RBFOX1: variants seen among roughly 807,000 people sequenced by gnomAD.
The protein encoded by RBFOX1 is RNA binding fox-1 homolog 1.
In RBFOX1, 8 loss-of-function variants were observed where a neutral mutation model predicts 57.7. That is an observed-to-expected ratio of 0.14 (90% CI 0.08 to 0.25). The LOEUF is 0.25. RBFOX1 is among the 10% of genes least tolerant of loss of function. The pLI is 1.00. For synonymous variants in RBFOX1, 326 were observed against 222.4 expected (o/e 1.47, Z -4.15); for missense variants, 611 against 548.5 (o/e 1.11, Z -1.14).
intron 1 of RBFOX1, among the ~76,000 whole-genome samples, chr16:6,235,687 A>T (rs1255644600): frequency 6.6e-6 from 1 of 152,024 alleles, no homozygotes; most frequent in Non-Finnish European, 1.5e-5. Flanking sequence ...ATAAAAAGGA[A>T]TGAATTAATG....
chr16:5,854,345 C>G (rs911047117), intron 3 of RBFOX1, among the ~76,000 whole-genome samples: 3 of 152,204 alleles, frequency 2.0e-5, no homozygotes, highest in Admixed American at 2.0e-4. Context: ...TTTCTTCTCA[C>G]CTCCGGTGCC....
At chr16:5,448,443 A>G (rs649543) in intron 1 of RBFOX1, among the ~76,000 whole-genome samples, 5 of 152,158 alleles carry the variant, frequency 3.3e-5, no homozygotes, top group African/African-American at 1.2e-4. Context: ...GGAAATAACT[A>G]TCTCTCCTAT....
chr16:5,799,941 A>G (rs1035603593), intron 3 of RBFOX1, among the ~76,000 whole-genome samples: 1 of 152,122 alleles, frequency 6.6e-6, no homozygotes, highest in East Asian at 1.9e-4. Context: ...TGTTTCATAT[A>G]CTAAATATAT....
rs921186514 is a variant in RBFOX1 at position 7,455,657 on chromosome 16, C to T, written c.28-62490C>T. ...AATACAAAAAAAAAAATTAGCCAGG[C>T]GTGGTTGTAGTCCCAGCTACTCAGG... On this transcript the variant is annotated intron_variant, in intron 4 of 15. Coordinates refer to ENST00000550418, the MANE Select transcript of RBFOX1 (RefSeq NM_018723.4). 2.0e-5 allele frequency among the ~76,000 whole-genome samples: 3 copies of T among 150,956 alleles called. No homozygotes were observed. In the East Asian group the frequency reaches 5.9e-4, roughly 29 times the overall value.
chr16:7,431,164 T>C (rs1303158372), intron 4 of RBFOX1: 2 of 152,228 alleles, frequency 1.3e-5, no homozygotes, highest in Non-Finnish European at 2.9e-5. Flanking sequence ...CGTGATTATC[T>C]CGTTTGATTC....
chr16:6,010,619 A>T (rs1240007412), intron 4 of RBFOX1, among the ~76,000 whole-genome samples: 1 of 152,226 alleles, frequency 6.6e-6, no homozygotes, highest in Admixed American at 6.5e-5. Flanking sequence ...TAATGAGCAG[A>T]GCTTGTTGAG....
intron 4 of RBFOX1, among the ~76,000 whole-genome samples, chr16:7,293,705 G>C (rs569344862): frequency 4.1e-4 from 62 of 152,270 alleles, no homozygotes; most frequent in African/African-American, 1.4e-3. Context: ...TTGAGAGCCA[G>C]GAAGGTTTTC....
chr16:7,272,486 C>T (rs565148707), intron 4 of RBFOX1, among the ~76,000 whole-genome samples: 59 of 152,244 alleles, frequency 3.9e-4, no homozygotes, highest in Middle Eastern at 6.8e-3. Context: ...GCCTGGCACC[C>T]GTTTCCCTAG....
rs754621635 is a variant in RBFOX1 at position 6,947,424 on chromosome 16, G to A, written c.-15-104633G>A. 2.6e-5 allele frequency among the ~76,000 whole-genome samples: 4 copies of A among 152,194 alleles called. No homozygotes were observed. The South Asian group carries it at 6.2e-4, about 24-fold the overall frequency. On this transcript the variant is annotated intron_variant, in intron 3 of 15. Coordinates refer to ENST00000550418, the MANE Select transcript of RBFOX1 (RefSeq NM_018723.4). Reference sequence around the variant, plus strand: ...TAAGAGAAGGAACAGATGGGAGAATGGAGACTGGCTTCAACTGGCCGTATT... The same window carrying A: ...TAAGAGAAGGAACAGATGGGAGAATAGAGACTGGCTTCAACTGGCCGTATT...
chr16:7,390,000 T>C (rs920257568), intron 4 of RBFOX1, among the ~76,000 whole-genome samples: 34 of 152,272 alleles, frequency 2.2e-4, no homozygotes, highest in African/African-American at 8.2e-4. Context: ...CAGGCTCTGC[T>C]TCTGGGGAGG....
At chr16:6,825,580 G>A (rs529975381) in intron 3 of RBFOX1, among the ~76,000 whole-genome samples, 25 of 152,124 alleles carry the variant, frequency 1.6e-4, no homozygotes, top group Non-Finnish European at 2.8e-4. Flanking sequence ...GCATTTTTGA[G>A]TTCCATTTTC....
intron 1 of RBFOX1, among the ~76,000 whole-genome samples, chr16:6,257,409 A>G (rs2097674725): frequency 6.6e-6 from 1 of 151,968 alleles, no homozygotes; most frequent in Admixed American, 6.6e-5. Flanking sequence ...TTGATGTTGA[A>G]TTTCTTCTTC....
chr16:5,770,643 G>T (rs545742632), intron 3 of RBFOX1, among the ~76,000 whole-genome samples: 1 of 152,298 alleles, frequency 6.6e-6, no homozygotes, highest in African/African-American at 2.4e-5. Context: ...ATTTTACTCT[G>T]TTGGCTCACT....
intron 1 of RBFOX1, among the ~76,000 whole-genome samples, chr16:6,106,630 A>G (rs939137576): frequency 6.6e-6 from 1 of 152,124 alleles, no homozygotes; most frequent in Non-Finnish European, 1.5e-5. Flanking sequence ...TCCATCTCTT[A>G]TGGAAGTATG....
chr16:7,384,663 G>A (rs2097847849), intron 4 of RBFOX1, among the ~76,000 whole-genome samples: 1 of 152,110 alleles, frequency 6.6e-6, no homozygotes, highest in African/African-American at 2.4e-5. Flanking sequence ...GAGAATATAA[G>A]GTAAATAAGA....
intron 3 of RBFOX1, among the ~76,000 whole-genome samples, chr16:6,954,605 T>A (rs2153531902): frequency 6.6e-6 from 1 of 152,186 alleles, no homozygotes; most frequent in East Asian, 1.9e-4. Flanking sequence ...CCTCATTATG[T>A]AGATGGAGAA....
intron 4 of RBFOX1, among the ~76,000 whole-genome samples, chr16:7,333,402 C>G (rs914794146): frequency 2.6e-5 from 4 of 152,198 alleles, no homozygotes; most frequent in Non-Finnish European, 2.9e-5. Context: ...TTCTGAGGGA[C>G]TCAGTCTCCC....
chr16:6,053,199 G>A (rs749391951), intron 1 of RBFOX1, among the ~76,000 whole-genome samples: 22 of 152,106 alleles, frequency 1.4e-4, no homozygotes, highest in Admixed American at 2.6e-4. Flanking sequence ...AATTATCCGA[G>A]GGCTCCTGAT....
At chr16:6,856,097 C>G (rs2057838006) in intron 3 of RBFOX1, among the ~76,000 whole-genome samples, 1 of 151,088 alleles carries the variant, frequency 6.6e-6, no homozygotes, top group Non-Finnish European at 1.5e-5. Context: ...AGACCCTTCC[C>G]TTCCCTTCCC....
Sources: gnomAD v4.1 joint callset for allele counts (sites outside exome capture counted in the v4.1 genomes callset) on GRCh38, gnomAD v4.1.1 for gene constraint, MANE v1.5 for transcripts, NCBI Gene and HGNC (gene_info 2026-07-23, HGNC 2026-07-21) for gene names.